The following TMPRSS9 variants were observed in gnomAD, a reference collection of about 807,000 sequenced individuals.
TMPRSS9 encodes transmembrane serine protease 9, also known as transmembrane protease serine 9.
A neutral mutation model predicts 111.4 loss-of-function variants in TMPRSS9; 113 were observed. That is an observed-to-expected ratio of 1.01 (90% CI 0.87 to 1.19). The LOEUF is 1.19. Among genes scored for constraint, TMPRSS9 ranks in the 50% most tolerant of loss-of-function variants. TMPRSS9 has a pLI of 0.00. For missense variants in TMPRSS9, 1,803 were observed against 1,513.1 expected, an observed-to-expected ratio of 1.19 and a Z score of -3.18; for synonymous variants, 805 against 659.1, an observed-to-expected ratio of 1.22 and a Z score of -3.39.
At chr19:2,368,782 T>TTTG (rs1970266681) in intron 1 of TMPRSS9, among the ~76,000 whole-genome samples, 1 of 105,886 alleles carries the variant, frequency 9.4e-6, no homozygotes, top group Non-Finnish European at 1.8e-5. Flanking sequence ...CAGTTTTTTT[T>TTTG]TTTTTTTTTT....
At chr19:2,425,792 G>A (rs1428675501) in intron 17 of TMPRSS9, 135 bp from the exon 19 acceptor site, 3 of 1,328,160 alleles carry the variant, frequency 2.3e-6, no homozygotes, top group South Asian at 1.5e-5. Flanking sequence ...CCTTTGCATT[G>A]AGCCCATTTT....
chr19:2,393,498 ACT>A (rs1467925787), intron 1 of TMPRSS9, among the ~76,000 whole-genome samples: 20 of 152,232 alleles, frequency 1.3e-4, no homozygotes, highest in Admixed American at 1.2e-3. Context: ...GAAATGTAAC[ACT>A]CAGCGTGAGG....
At chr19:2,398,618 A>G (rs2145312527) in intron 2 of TMPRSS9, among the ~76,000 whole-genome samples, 177 bp from the exon 4 acceptor site, 1 of 152,208 alleles carries the variant, frequency 6.6e-6, no homozygotes, top group East Asian at 1.9e-4. Flanking sequence ...ACTCTGTCTC[A>G]CAATACATAC....
intron 1 of TMPRSS9, among the ~76,000 whole-genome samples, chr19:2,378,711 C>A (rs2145257366): frequency 6.6e-6 from 1 of 152,202 alleles, no homozygotes; most frequent in South Asian, 2.1e-4. Context: ...GAGCGAGACT[C>A]CGTCTAAAAA....
chr19:2,424,669 C>T (rs1020078689), intron 15 of TMPRSS9, among the ~76,000 whole-genome samples: 49 of 152,284 alleles, frequency 3.2e-4, no homozygotes, highest in Non-Finnish European at 6.3e-4. Context: ...GGGCCCAAGC[C>T]CTGGCAGTCG....
At chr19:2,425,606 C>T (rs1971603062) in intron 17 of TMPRSS9, 113 bp downstream of exon 18, 12 of 1,380,040 alleles carry the variant, frequency 8.7e-6, no homozygotes, top group East Asian at 2.9e-5. Flanking sequence ...CAGGCTTCTC[C>T]AGCGGATCAA....
At chr19:2,423,441 C>T (rs8108768) in intron 14 of TMPRSS9, among the ~76,000 whole-genome samples, 2 of 111,368 alleles carry the variant, frequency 1.8e-5, no homozygotes, top group African/African-American at 6.3e-5. Context: ...GTAGCTGCTG[C>T]GGGTTGGATG....
At chr19:2,402,552 C>T (rs1970873461) in intron 5 of TMPRSS9, among the ~76,000 whole-genome samples, 1 of 152,034 alleles carries the variant, frequency 6.6e-6, no homozygotes, top group South Asian at 2.1e-4. Flanking sequence ...CCAGCCTGAC[C>T]AACATGGAGA....
At chr19:2,389,105 T>C (rs1221553357), upstream of TMPRSS9, among the ~76,000 whole-genome samples, 1 of 150,292 alleles carries the variant, frequency 6.7e-6, no homozygotes, top group Non-Finnish European at 1.5e-5. Context: ...GATGGCGTCT[T>C]GCTCTGTCGC....
At position 2,369,629 on chromosome 19, in the gene TMPRSS9, G is replaced by GGATCTCATTAT. The variant is rs368085866; in HGVS notation, c.-26+9271_-26+9281dup. ...TTTTTTTTTTTTTTTTTTAGAGATG[G>GGATCTCATTAT]GATCTCATTATGTTGCCTACACTGA... On this transcript the variant is annotated intron_variant, in intron 1 of 17. Transcript: ENST00000649857. Among the ~76,000 whole-genome samples, 672 of 141,920 alleles carry GGATCTCATTAT rather than the reference G, an allele frequency of 4.7e-3. 5 individuals are homozygous for GGATCTCATTAT. Among genetic ancestry groups the GGATCTCATTAT allele is most frequent in the African/African-American group, 0.017 (632 of 37,268 alleles). 93.1% of individuals were successfully genotyped at this position (141,920 alleles called of 152,430 possible). A position where few individuals can be genotyped will look rare whatever the true frequency, so the allele number is the denominator to read the frequency against.
At chr19:2,408,423 A>C (rs749295210) in exon 8 of TMPRSS9, 8 of 1,613,688 alleles carry the variant, frequency 5.0e-6, no homozygotes, top group African/African-American at 1.3e-5. Flanking sequence ...GGAGGCCAGC[A>C]CCGTGCGGGC....
chr19:2,400,975 T>TAAA (rs58186638), intron 4 of TMPRSS9, among the ~76,000 whole-genome samples: 3 of 124,832 alleles, frequency 2.4e-5, no homozygotes, highest in Non-Finnish European at 5.1e-5. Context: ...GACTCTGTCT[T>TAAA]AAAAAAAAAA....
chr19:2,424,813 A>AT (rs1971566259), intron 15 of TMPRSS9, among the ~76,000 whole-genome samples, 189 bp from the exon 17 acceptor site: 2 of 151,962 alleles, frequency 1.3e-5, no homozygotes, highest in African/African-American at 4.8e-5. Context: ...TTAGGTGGTG[A>AT]CGGCTGCAGT....
intron 14 of TMPRSS9, among the ~76,000 whole-genome samples, chr19:2,423,699 T>G (rs915905148): frequency 1.3e-4 from 19 of 151,724 alleles, no homozygotes; most frequent in Admixed American, 9.8e-4. Flanking sequence ...GGCTTGGAGG[T>G]GATCAGGGAT....
At position 2,369,857 on chromosome 19, in the gene TMPRSS9, C is replaced by T. The variant is rs147255385; in HGVS notation, c.-26+9497C>T. Reference sequence around the variant, plus strand: ...GCATGGTTTGGCTGGATCCTCTGCTCAGGGTCTGACAAGACTGCAGTCAGA... The same window carrying T: ...GCATGGTTTGGCTGGATCCTCTGCTTAGGGTCTGACAAGACTGCAGTCAGA... On this transcript the variant is annotated intron_variant, in intron 1 of 17. Transcript: ENST00000649857. 5.8e-3 allele frequency among the ~76,000 whole-genome samples: 885 copies of T among 152,156 alleles called. 8 individuals carry two copies. Among genetic ancestry groups the T allele is most frequent in the Non-Finnish European group, 8.3e-3 (566 of 68,006 alleles).
At chr19:2,416,335 C>G (rs1007943408) in intron 11 of TMPRSS9, 1 of 660,592 alleles carries the variant, frequency 1.5e-6, no homozygotes. Flanking sequence ...TGTCCGAGGT[C>G]CCCCAGCTTG....
intron 1 of TMPRSS9, among the ~76,000 whole-genome samples, chr19:2,364,995 G>C (rs1970237765): frequency 6.7e-6 from 1 of 149,690 alleles, no homozygotes; most frequent in Admixed American, 6.6e-5. Flanking sequence ...AAAAAAAAGA[G>C]CAAAACTGAC....
At chr19:2,388,406 G>A (rs186104191), upstream of TMPRSS9, among the ~76,000 whole-genome samples, 141 of 152,084 alleles carry the variant, frequency 9.3e-4, 4 homozygotes, top group African/African-American at 3.2e-3. Context: ...AAAAAAGGAG[G>A]CGGGAGGGTG....
intron 14 of TMPRSS9, among the ~76,000 whole-genome samples, chr19:2,423,281 A>G (rs11672757): frequency 0.21 from 32,338 of 151,236 alleles, 3,628 homozygotes; most frequent in African/African-American, 0.28. Flanking sequence ...CCCCCCTCAA[A>G]ATACAGGCGG....
Sources: gnomAD v4.1 joint callset for allele counts (sites outside exome capture counted in the v4.1 genomes callset) on GRCh38, gnomAD v4.1.1 for gene constraint, MANE v1.5 for transcripts, NCBI Gene and HGNC (gene_info 2026-07-23, HGNC 2026-07-21) for gene names.